RSPH1: variants seen among roughly 807,000 people sequenced by gnomAD.
The protein encoded by RSPH1 is radial spoke head component 1.
RSPH1 carries 32 observed loss-of-function variants against 44.2 expected under a neutral mutation model. The ratio of observed to expected loss-of-function variants is 0.72; its 90% CI spans 0.55 to 0.97. RSPH1 has a LOEUF of 0.97. Ranked by LOEUF, RSPH1 falls within the 50% of genes least tolerant of loss-of-function variation. The pLI is 0.00. For synonymous variants in RSPH1, 134 were observed against 147.3 expected, an observed-to-expected ratio of 0.91 and a Z score of 0.65; for missense variants, 391 against 398.7, an observed-to-expected ratio of 0.98 and a Z score of 0.16.
chr21:42,485,818 G>C lies in RSPH1; in HGVS notation c.366-14C>G, dbSNP rs1038540123. On this transcript the variant is annotated splice_polypyrimidine_tract_variant and intron_variant, in intron 4 of 8. Coordinates refer to ENST00000291536, the MANE Select transcript of RSPH1 (RefSeq NM_080860.4). ...CCTTGCCCATGCCTGGTTAAGACAA[G>C]GGGAACATGGTATTTCGTTCCAGCA... is the stretch of plus-strand genomic sequence containing the variant. 6.2e-7 allele frequency: 1 copy of C among 1,613,954 alleles called. No homozygotes were observed. Among genetic ancestry groups the C allele is most frequent in the African/African-American group, 1.3e-5 (1 of 74,872 alleles).
Position 42,490,009 on chromosome 21 carries a change from AG to A in RSPH1, c.274+2748del, listed in dbSNP as rs759105392. Among the ~76,000 whole-genome samples the A allele has an allele frequency of 1.1e-4, 16 of 152,316 alleles. 4 individuals are homozygous for A. The highest frequency in any genetic ancestry group is 1.9e-4 in the East Asian group (1 of 5,190). The stretch of plus-strand genomic sequence containing the variant: ...ACAGGCAACAAGGCCAGCAGGGAAT[AG>A]GGATGCTCTTTCTCCCCCTTAACCT... On this transcript the variant is annotated intron_variant, in intron 3 of 8. Coordinates refer to ENST00000291536, the MANE Select transcript of RSPH1 (RefSeq NM_080860.4).
In RSPH1 at chr21:42,472,776, G is replaced by A; in HGVS notation, c.*42C>T. On this transcript the variant is annotated 3_prime_UTR_variant, in exon 9 of 9. Transcript: ENST00000291536. ...ACAGCACTGCACCCGGCTAACGACA[G>A]AAGCATTCTTATGATACGATCTCCT... 6.6e-7 allele frequency: 1 copy of A among 1,503,964 alleles called. No individual in the cohort carries two copies. The highest frequency in any genetic ancestry group is 1.1e-5 in the South Asian group (1 of 87,718). The allele number at this position is 1,503,964 out of a possible 1,614,324, so 93.2% of individuals were successfully genotyped here. A position where few individuals can be genotyped will look rare whatever the true frequency, so the allele number is the denominator to read the frequency against.
chr21:42,482,775 C>G (rs1048140215), intron 5 of RSPH1, 67 bp from the exon 6 acceptor site: 1 of 1,171,730 alleles, frequency 8.5e-7, no homozygotes, highest in Non-Finnish European at 1.3e-6. Flanking sequence ...ACAAATGTCA[C>G]CACCACAATA....
intron 4 of RSPH1, 31 bp from the exon 5 acceptor site, chr21:42,485,835 G>C: frequency 6.2e-7 from 1 of 1,613,136 alleles, no homozygotes; most frequent in Non-Finnish European, 8.5e-7. Flanking sequence ...ATGGTATTTC[G>C]TTCCAGCACA....
Position 42,482,664 on chromosome 21 carries a change from T to C in RSPH1, c.546A>G (p.Gln182=), listed in dbSNP as rs139625725. Residue 182 remains glutamine (Q), a synonymous_variant, in exon 6 of 9, where the codon CAA becomes CAG. Coordinates refer to ENST00000291536, the MANE Select transcript of RSPH1 (RefSeq NM_080860.4). ...GKYVFDVGCE[Q]HGEYRLTDME... ...TATCTGTTAAACGATATTCACCATG[T>C]TGTTCACACCCAACATCAAATACAT... is the stretch of plus-strand genomic sequence containing the variant. The C allele has an allele frequency of 6.8e-4, 1,095 of 1,613,510 alleles. 5 individuals carry two copies. Among genetic ancestry groups the C allele is most frequent in the South Asian group, 4.7e-3 (428 of 90,942 alleles).
At chr21:42,489,057 C>A (rs1353889248) in intron 3 of RSPH1, among the ~76,000 whole-genome samples, 2 of 147,160 alleles carry the variant, frequency 1.4e-5, no homozygotes, top group Admixed American at 1.4e-4. Flanking sequence ...GGCTGGTTGG[C>A]TGGTTGGTTA....
intron 6 of RSPH1, among the ~76,000 whole-genome samples, chr21:42,482,081 GTTGT>G (rs531910257): frequency 2.5e-4 from 38 of 152,140 alleles, no homozygotes; most frequent in Admixed American, 5.9e-4. Context: ...TTATTTATTG[GTTGT>G]TTGTTTGTTT....
intron 4 of RSPH1, chr21:42,486,132 CTT>C: frequency 1.7e-6 from 1 of 573,758 alleles, no homozygotes; most frequent in South Asian, 2.1e-5. Context: ...CCCTGGGACT[CTT>C]GGGTGAAAGA....
At position 42,472,757 on chromosome 21, in the gene RSPH1, C is replaced by T. The variant is rs1325119040; in HGVS notation, c.*61G>A. 1.5e-6 allele frequency: 2 copies of T among 1,321,134 alleles called. No homozygotes were observed. Among genetic ancestry groups the T allele is most frequent in the Non-Finnish European group, 2.2e-6 (2 of 920,060 alleles). The allele number at this position is 1,321,134 out of a possible 1,614,324, so 81.8% of individuals were successfully genotyped here. On this transcript the variant is annotated 3_prime_UTR_variant, in exon 9 of 9. Transcript: ENST00000291536. ...TAGCTGGAACTAGATACACACAGCACTGCACCCGGCTAACGACAGAAGCAT... is the reference window on the plus strand; with the variant it reads ...TAGCTGGAACTAGATACACACAGCATTGCACCCGGCTAACGACAGAAGCAT...
intron 8 of RSPH1, among the ~76,000 whole-genome samples, chr21:42,475,601 G>C (rs2054038139): frequency 6.8e-6 from 1 of 147,532 alleles, no homozygotes; most frequent in South Asian, 2.4e-4. Context: ...ACAGAAGAAA[G>C]CCAGGCTCTG....
chr21:42,477,788 C>T (rs976114824), intron 6 of RSPH1, among the ~76,000 whole-genome samples: 3 of 152,116 alleles, frequency 2.0e-5, no homozygotes, highest in African/African-American at 7.2e-5. Context: ...AACTGAGTGA[C>T]CAGGAGTAAG....
At chr21:42,484,124 C>T (rs988229276) in intron 5 of RSPH1, among the ~76,000 whole-genome samples, 1 of 152,142 alleles carries the variant, frequency 6.6e-6, no homozygotes, top group Non-Finnish European at 1.5e-5. Flanking sequence ...AAACATGTGA[C>T]AAGATGTTTG....
intron 3 of RSPH1, among the ~76,000 whole-genome samples, chr21:42,489,634 A>G (rs976305516): frequency 3.3e-5 from 5 of 152,228 alleles, no homozygotes; most frequent in Non-Finnish European, 5.9e-5. Flanking sequence ...GCCCACACTT[A>G]TGGGGAAACA....
chr21:42,478,770 T>C (rs933082313), intron 6 of RSPH1, among the ~76,000 whole-genome samples: 1 of 152,218 alleles, frequency 6.6e-6, no homozygotes, highest in Non-Finnish European at 1.5e-5. Context: ...GCATTATTCA[T>C]AATAGCTAAA....
chr21:42,480,430 C>T (rs1448585428), intron 6 of RSPH1, among the ~76,000 whole-genome samples: 1 of 152,024 alleles, frequency 6.6e-6, no homozygotes, highest in South Asian at 2.1e-4. Flanking sequence ...CATCTGAGGT[C>T]GAAAGTTTGA....
chr21:42,482,635 A>C lies in RSPH1; in HGVS notation c.573+2T>G. 1 of 1,607,428 alleles carries C rather than the reference A, an allele frequency of 6.2e-7. No individual in the cohort carries two copies. Among genetic ancestry groups the C allele is most frequent in the Non-Finnish European group, 8.5e-7 (1 of 1,175,060 alleles). On this transcript the variant is annotated splice_donor_variant, in intron 6 of 8. Coordinates refer to ENST00000291536, the MANE Select transcript of RSPH1 (RefSeq NM_080860.4). LOFTEE classifies it high-confidence loss of function. ...CAAAACCCTACATGCTCCGCAACTT[A>C]CCATATCTGTTAAACGATATTCACC...
intron 6 of RSPH1, among the ~76,000 whole-genome samples, chr21:42,482,293 A>T (rs2054136028): frequency 6.6e-6 from 1 of 152,190 alleles, no homozygotes; most frequent in South Asian, 2.1e-4. Flanking sequence ...CACGTTGGCC[A>T]GTCTGGTCTC....
rs2054047092 is a variant in RSPH1, at chr21:42,476,148, C to A, written c.728-101G>T. On this transcript the variant is annotated intron_variant, in intron 7 of 8. Coordinates refer to ENST00000291536, the MANE Select transcript of RSPH1 (RefSeq NM_080860.4). ...CCCTGGGCTGCCGTGCCCCCACCCT[C>A]CCCCTCCCACTGGCAGCACCTCATG... 4.3e-6 allele frequency: 5 copies of A among 1,160,216 alleles called. No homozygotes were observed. The East Asian group carries it at 1.0e-4, about 23-fold the overall frequency. 71.9% of individuals were successfully genotyped at this position (1,160,216 alleles called of 1,614,324 possible).
intron 1 of RSPH1, among the ~76,000 whole-genome samples, chr21:42,494,391 C>G (rs139514798): frequency 1.4e-4 from 22 of 152,192 alleles, no homozygotes; most frequent in Non-Finnish European, 2.5e-4. Flanking sequence ...CTGTTTGGAC[C>G]ACTAATTCCT....
Sources: allele counts gnomAD v4.1 joint callset (sites outside exome capture counted in the v4.1 genomes callset), GRCh38; gene constraint gnomAD v4.1.1; transcripts MANE v1.5; gene names NCBI Gene and HGNC (gene_info 2026-07-23, HGNC 2026-07-21).